CLDN14: variants seen among roughly 807,000 people sequenced by gnomAD.
CLDN14 encodes claudin 14, also known as claudin-14.
Under a neutral mutation model 2.1 loss-of-function variants are expected in CLDN14, and 2 were observed. The ratio of observed to expected loss-of-function variants is 0.96; its 90% CI spans 0.39 to 3.01. CLDN14 has a LOEUF of 3.01. CLDN14 is among the 30% of genes most tolerant of loss of function. The pLI is 0.09. For synonymous variants in CLDN14, 136 were observed against 154.4 expected (o/e 0.88, Z 0.88); for missense variants, 298 against 328.0 (o/e 0.91, Z 0.71).
At chr21:36,501,741 C>T (rs1226614677) in intron 2 of CLDN14, among the ~76,000 whole-genome samples, 1 of 152,010 alleles carries the variant, frequency 6.6e-6, no homozygotes, top group East Asian at 1.9e-4. Flanking sequence ...GTAGCCTGGC[C>T]CTAAATTAAA....
At chr21:36,522,210 A>G (rs1024394526) in intron 1 of CLDN14, among the ~76,000 whole-genome samples, 1 of 152,136 alleles carries the variant, frequency 6.6e-6, no homozygotes, top group African/African-American at 2.4e-5. Context: ...CCCCACACGC[A>G]GCACTCCAGC....
At position 36,479,766 on chromosome 21, in the gene CLDN14, C is replaced by G. The variant is rs2086823641; in HGVS notation, c.-353G>C. 4.6e-5 allele frequency: 7 copies of G among 152,236 alleles called. No homozygotes were observed. In the South Asian group the frequency reaches 1.4e-3, roughly 32 times the overall value. The allele number at this position is 152,236 out of a possible 1,614,324, so 9.4% of individuals were successfully genotyped here. The stretch of plus-strand genomic sequence containing the variant: ...ATGAGAGGAGGTGGCTTGGCCAGAG[C>G]AGACATTCAAGACCAACCAGAAATG... On this transcript the variant is annotated 5_prime_UTR_variant, in exon 1 of 2. Coordinates refer to ENST00000399135, the MANE Select transcript of CLDN14 (RefSeq NM_001146079.2).
chr21:36,490,369 G>C (rs1402608156), intron 2 of CLDN14, among the ~76,000 whole-genome samples: 4 of 142,424 alleles, frequency 2.8e-5, no homozygotes, highest in Admixed American at 1.4e-4. Flanking sequence ...ATGTCTGCTA[G>C]TTCAATTTTT....
rs559548247 is a variant in CLDN14 at position 36,503,434 on chromosome 21, G to T, written c.-82+6929C>A. ...GGGAGGGACCTAGTGGGAGGTAATT[G>T]AATCATGGGGCCAGATCTTTCTCAC... On this transcript the variant is annotated intron_variant, in intron 2 of 2. Transcript: ENST00000342108. Among the ~76,000 whole-genome samples, 6 of 152,290 alleles carry T rather than the reference G, an allele frequency of 3.9e-5. No individual in the cohort carries two copies. The South Asian group carries it at 1.2e-3, about 32-fold the overall frequency.
At position 36,485,764 on chromosome 21, in the gene CLDN14, A is replaced by G. The variant is rs1601604498; in HGVS notation, c.-81-23988T>C. On this transcript the variant is annotated intron_variant, in intron 2 of 2. Coordinates refer to the CLDN14 transcript ENST00000342108. ...AACCAAGTCACTGTCCAAAAATTGC[A>G]CCACCTACCTTGGAGAGCCTCTCAT... is the stretch of plus-strand genomic sequence containing the variant. The G allele has an allele frequency of 1.4e-5, 4 of 287,494 alleles. No homozygotes were observed. The South Asian group carries it at 2.3e-4, about 17-fold the overall frequency. 17.8% of individuals were successfully genotyped at this position (287,494 alleles called of 1,614,324 possible). A position where few individuals can be genotyped will look rare whatever the true frequency, so the allele number is the denominator to read the frequency against.
At chr21:36,527,564 C>T (rs548010621) in intron 1 of CLDN14, among the ~76,000 whole-genome samples, 2 of 152,326 alleles carry the variant, frequency 1.3e-5, no homozygotes, top group Admixed American at 6.5e-5. Context: ...TTTCCCATTT[C>T]CCGTCGATTA....
intron 2 of CLDN14, among the ~76,000 whole-genome samples, chr21:36,500,298 A>T (rs1042993034): frequency 4.6e-5 from 7 of 152,160 alleles, no homozygotes; most frequent in African/African-American, 1.7e-4. Flanking sequence ...AGGCCACCTC[A>T]GACTTTGCAG....
chr21:36,524,314 G>T (rs1341145291), intron 1 of CLDN14, among the ~76,000 whole-genome samples: 1 of 152,092 alleles, frequency 6.6e-6, no homozygotes, highest in Non-Finnish European at 1.5e-5. Flanking sequence ...AAGAGACAGG[G>T]TCTCCCTATG....
At chr21:36,505,092 T>C (rs986051627) in intron 2 of CLDN14, among the ~76,000 whole-genome samples, 3 of 152,206 alleles carry the variant, frequency 2.0e-5, no homozygotes, top group African/African-American at 7.2e-5. Context: ...GAGACGTGCT[T>C]AGAGCAATGC....
chr21:36,495,757 C>G (rs2087010593), intron 2 of CLDN14, among the ~76,000 whole-genome samples: 1 of 152,180 alleles, frequency 6.6e-6, no homozygotes, highest in Non-Finnish European at 1.5e-5. Context: ...AACCTCAGAA[C>G]GTGACCTTAT....
At chr21:36,513,328 G>A (rs539129231) in intron 1 of CLDN14, among the ~76,000 whole-genome samples, 2 of 152,316 alleles carry the variant, frequency 1.3e-5, no homozygotes, top group East Asian at 1.9e-4. Context: ...CTGGCAATGC[G>A]GCAGCCATTT....
chr21:36,469,907 G>A (rs532900760), intron 1 of CLDN14, among the ~76,000 whole-genome samples: 1 of 152,012 alleles, frequency 6.6e-6, no homozygotes. Flanking sequence ...GATTTTTCCC[G>A]ACAAGACAGT....
intron 2 of CLDN14, among the ~76,000 whole-genome samples, chr21:36,493,644 G>A (rs1294561781): frequency 2.0e-5 from 3 of 152,070 alleles, no homozygotes; most frequent in African/African-American, 4.8e-5. Flanking sequence ...GAAGCCTAGC[G>A]GCCGCACACT....
At chr21:36,486,279 A>G (rs1305965474) in intron 2 of CLDN14, 1 of 774,110 alleles carries the variant, frequency 1.3e-6, no homozygotes. Context: ...TAGGTCAGGA[A>G]GTCCGGTATG....
chr21:36,529,335 C>A (rs1370186757), intron 1 of CLDN14, among the ~76,000 whole-genome samples: 7 of 152,046 alleles, frequency 4.6e-5, no homozygotes, highest in Non-Finnish European at 1.0e-4. Flanking sequence ...GTCGCCCAGG[C>A]TAGAGTGCAG....
chr21:36,469,682 A>G (rs1304923568), intron 1 of CLDN14, among the ~76,000 whole-genome samples: 4 of 152,226 alleles, frequency 2.6e-5, no homozygotes, highest in Non-Finnish European at 5.9e-5. Flanking sequence ...AACAGAGGCT[A>G]TTTTCAACTC....
Position 36,498,041 on chromosome 21 carries a change from C to T in CLDN14, c.-82+12322G>A, listed in dbSNP as rs1321445884. Reference sequence around the variant, plus strand: ...TTGAGATGGAGTTTTGCTCTGTTGCCCAGGCTGGAGTGCAGTGGTGCAATC... The same window carrying T: ...TTGAGATGGAGTTTTGCTCTGTTGCTCAGGCTGGAGTGCAGTGGTGCAATC... On this transcript the variant is annotated intron_variant, in intron 2 of 2. Coordinates refer to the CLDN14 transcript ENST00000342108. The surrounding 1 kb of genome is among the most constrained non-coding windows in gnomAD (Gnocchi z 4.9). Among the ~76,000 whole-genome samples, 1 of 151,782 alleles carries T rather than the reference C, an allele frequency of 6.6e-6. No homozygotes were observed. Among genetic ancestry groups the T allele is most frequent in the Non-Finnish European group, 1.5e-5 (1 of 67,996 alleles).
At chr21:36,569,580 C>T (rs1172391104) in intron 1 of CLDN14, among the ~76,000 whole-genome samples, 1 of 152,156 alleles carries the variant, frequency 6.6e-6, no homozygotes, top group Non-Finnish European at 1.5e-5. Context: ...ATTTTGTAAC[C>T]TTGAATGAAT....
At chr21:36,504,964 C>A (rs1023809184) in intron 2 of CLDN14, among the ~76,000 whole-genome samples, 3 of 152,158 alleles carry the variant, frequency 2.0e-5, no homozygotes, top group Admixed American at 1.3e-4. Context: ...TAACCCTGGG[C>A]ATTGACCCAG....
Sources: allele counts gnomAD v4.1 joint callset (sites outside exome capture counted in the v4.1 genomes callset), GRCh38; gene constraint gnomAD v4.1.1; non-coding constraint Gnocchi (gnomAD v3.1); transcripts MANE v1.5; gene names NCBI Gene and HGNC (gene_info 2026-07-23, HGNC 2026-07-21).